KIF15: variants seen among roughly 807,000 people sequenced by gnomAD.
KIF15 encodes kinesin-like protein KIF15.
A neutral mutation model predicts 190.6 loss-of-function variants in KIF15; 140 were observed. The observed-to-expected ratio is 0.73, with a 90% CI of 0.64 to 0.84. The LOEUF is 0.84. KIF15 is among the 40% of genes least tolerant of loss of function. KIF15 has a pLI of 0.00. For missense variants in KIF15, 1,372 were observed against 1,584.4 expected (o/e 0.87, Z 2.28); for synonymous variants, 528 against 551.3 (o/e 0.96, Z 0.59).
chr3:44,815,112 T>C, intron 20 of KIF15, 36 bp downstream of exon 20: 1 of 1,509,506 alleles, frequency 6.6e-7, no homozygotes, highest in South Asian at 1.3e-5. Flanking sequence ...AGTTGCCTGA[T>C]TGGCTGTAAC....
At chr3:44,866,423 G>A (rs1448807096) in intron 6 of KIF15, among the ~76,000 whole-genome samples, 4 of 152,170 alleles carry the variant, frequency 2.6e-5, no homozygotes, top group Admixed American at 2.6e-4. Context: ...CTAGTTCAAA[G>A]TGGGCTGTGT....
intron 1 of KIF15, among the ~76,000 whole-genome samples, chr3:44,772,932 G>A (rs1705702854): frequency 6.6e-6 from 1 of 152,096 alleles, no homozygotes; most frequent in African/African-American, 2.4e-5. Flanking sequence ...TTGCCGGGCT[G>A]GTTTGAACAG....
intron 20 of KIF15, among the ~76,000 whole-genome samples, chr3:44,822,329 C>T (rs979595541): frequency 5.3e-5 from 8 of 152,070 alleles, no homozygotes; most frequent in African/African-American, 1.7e-4. Context: ...TTGAATATTG[C>T]CCCCCACTCT....
intron 30 of KIF15, among the ~76,000 whole-genome samples, chr3:44,846,414 T>C (rs532625920): frequency 6.6e-6 from 1 of 152,322 alleles, no homozygotes; most frequent in Admixed American, 6.5e-5. Context: ...TTTTTTTCCT[T>C]TGCACTCATC....
intron 19 of KIF15, among the ~76,000 whole-genome samples, chr3:44,813,630 G>GTTTTT (rs561892613): frequency 8.1e-6 from 1 of 123,068 alleles, no homozygotes; most frequent in Non-Finnish European, 1.7e-5. Flanking sequence ...TGTTTGTTTT[G>GTTTTT]TTTTTTTTTT....
At chr3:44,809,217 T>G (rs1180310120) in intron 16 of KIF15, among the ~76,000 whole-genome samples, 1 of 152,244 alleles carries the variant, frequency 6.6e-6, no homozygotes, top group Admixed American at 6.5e-5. Context: ...TTTCTCTAAT[T>G]TCAAATATCT....
intron 26 of KIF15, among the ~76,000 whole-genome samples, chr3:44,831,233 G>A (rs1188335457): frequency 2.0e-5 from 3 of 152,038 alleles, no homozygotes; most frequent in Non-Finnish European, 4.4e-5. Context: ...TGCTGTGCCT[G>A]AGATACTCCA....
chr3:44,864,002 T>C, intron 6 of KIF15: 1 of 582,442 alleles, frequency 1.7e-6, no homozygotes, highest in Non-Finnish European at 3.0e-6. Context: ...GAATTTGCTT[T>C]ATTTGTAAGA....
chr3:44,861,884 C>T (rs1350874609), intron 6 of KIF15: 2 of 1,489,898 alleles, frequency 1.3e-6, no homozygotes, highest in Admixed American at 2.2e-5. Flanking sequence ...CGCGCTCTGC[C>T]CTGCGGGCAG....
Position 44,805,182 on chromosome 3 carries a change from A to G in KIF15, c.1829+14A>G. The G allele has an allele frequency of 1.2e-6, 2 of 1,604,228 alleles. No homozygotes were observed. The highest frequency in any genetic ancestry group is 1.7e-6 in the Non-Finnish European group (2 of 1,175,744). On this transcript the variant is annotated intron_variant, in intron 15 of 34. Transcript: ENST00000326047. ...AGAACTTACTAGGTAAAGTCTAAAT[A>G]CACATGCATGCACACTTATTTTCTT...
intron 32 of KIF15, 62 bp from the exon 33 acceptor site, chr3:44,851,725 T>C: frequency 2.8e-6 from 4 of 1,404,934 alleles, no homozygotes; most frequent in Non-Finnish European, 3.9e-6. Context: ...ATGTCTAACT[T>C]GAGCACTGTT....
At chr3:44,834,892 C>T (rs936503971) in intron 26 of KIF15, among the ~76,000 whole-genome samples, 1 of 151,752 alleles carries the variant, frequency 6.6e-6, no homozygotes, top group Admixed American at 6.6e-5. Flanking sequence ...AAGATCGCGC[C>T]ACTGCACTCC....
chr3:44,804,007 C>G (rs768956090), intron 14 of KIF15, among the ~76,000 whole-genome samples: 2 of 152,020 alleles, frequency 1.3e-5, no homozygotes, highest in African/African-American at 4.8e-5. Flanking sequence ...ACCACCACAC[C>G]GAGCCAATTT....
chr3:44,838,214 G>A, intron 26 of KIF15, 61 bp from the exon 27 acceptor site: 2 of 1,509,878 alleles, frequency 1.3e-6, no homozygotes, highest in Non-Finnish European at 8.9e-7. Flanking sequence ...ACATAGTAAT[G>A]ATTTGGGAAT....
intron 13 of KIF15, among the ~76,000 whole-genome samples, chr3:44,802,323 A>G (rs1216338532): frequency 6.6e-6 from 1 of 152,204 alleles, no homozygotes; most frequent in African/African-American, 2.4e-5. Context: ...TGGATAGGTC[A>G]TACAGGTACA....
chr3:44,850,384 G>C (rs147777940), intron 32 of KIF15, among the ~76,000 whole-genome samples: 252 of 152,312 alleles, frequency 1.7e-3, no homozygotes, highest in African/African-American at 5.2e-3. Flanking sequence ...CTAGTTGGTT[G>C]AATTACAGCT....
At chr3:44,785,781 CA>C (rs1198158496) in intron 6 of KIF15, among the ~76,000 whole-genome samples, 1 of 152,130 alleles carries the variant, frequency 6.6e-6, no homozygotes, top group Non-Finnish European at 1.5e-5. Context: ...ATGAGGACAT[CA>C]AATATATAAG....
rs1365780758 is a variant in KIF15, at chr3:44,826,063, G to A, written c.2574G>A (p.Glu858=). 1 of 1,585,160 alleles carries A rather than the reference G, an allele frequency of 6.3e-7. No homozygotes were observed. Among genetic ancestry groups the A allele is most frequent in the East Asian group, 2.3e-5 (1 of 44,400 alleles). The change falls in exon 21 of 35, where the codon GAG becomes GAA. Residue 858 remains glutamate, a synonymous_variant. Coordinates refer to ENST00000326047, the MANE Select transcript of KIF15 (RefSeq NM_020242.3). ...NLRLENEKLL[E]SKACLQDSYD... ...GGTTAGAAAACGAAAAGCTGCTTGA[G>A]AGCAAAGCCTGCCTACAGGATTCCT...
chr3:44,861,891 G>A (rs1200758917), intron 6 of KIF15: 2 of 1,488,546 alleles, frequency 1.3e-6, no homozygotes, highest in South Asian at 2.5e-5. Context: ...TGCCCTGCGG[G>A]CAGCGGGTGC....
Sources: gnomAD v4.1 joint callset for allele counts (sites outside exome capture counted in the v4.1 genomes callset) on GRCh38, gnomAD v4.1.1 for gene constraint, MANE v1.5 for transcripts, NCBI Gene and HGNC (gene_info 2026-07-23, HGNC 2026-07-21) for gene names.